ARHGAP26: variants seen among roughly 807,000 people sequenced by gnomAD.
ARHGAP26 encodes the protein Rho GTPase activating protein 26.
A neutral mutation model predicts 104.8 loss-of-function variants in ARHGAP26; 38 were observed. The observed-to-expected ratio is 0.36, with a 90% CI of 0.28 to 0.48. ARHGAP26 has a LOEUF of 0.48. Among genes scored for constraint, ARHGAP26 ranks in the 20% least tolerant of loss-of-function variants. The pLI is 0.99. For missense variants in ARHGAP26, 704 were observed against 947.9 expected, an observed-to-expected ratio of 0.74 and a Z score of 3.38; for synonymous variants, 341 against 340.0, an observed-to-expected ratio of 1.00 and a Z score of -0.03.
At chr5:143,144,730 T>C (rs1798959562) in intron 19 of ARHGAP26, among the ~76,000 whole-genome samples, 1 of 152,236 alleles carries the variant, frequency 6.6e-6, no homozygotes, top group Admixed American at 6.5e-5. Flanking sequence ...ATTTCCTAAT[T>C]GACTCCAAAT....
At chr5:142,925,262 A>T (rs898814622) in intron 10 of ARHGAP26, among the ~76,000 whole-genome samples, 4 of 152,038 alleles carry the variant, frequency 2.6e-5, no homozygotes, top group Non-Finnish European at 5.9e-5. Flanking sequence ...TTTGCTTTGC[A>T]CTTGCACTGT....
At chr5:143,149,410 G>T (rs996181031) in intron 20 of ARHGAP26, among the ~76,000 whole-genome samples, 1 of 152,140 alleles carries the variant, frequency 6.6e-6, no homozygotes, top group Non-Finnish European at 1.5e-5. Flanking sequence ...ATGGCCCTGA[G>T]TGAGAGCCAT....
At chr5:143,160,283 T>C (rs1801053469) in intron 20 of ARHGAP26, among the ~76,000 whole-genome samples, 1 of 151,914 alleles carries the variant, frequency 6.6e-6, no homozygotes, top group South Asian at 2.1e-4. Context: ...ATGGTCTCAA[T>C]CTCCTGACCT....
intron 17 of ARHGAP26, among the ~76,000 whole-genome samples, chr5:143,090,519 GAGGAAGGTGC>G (rs1791256480): frequency 1.3e-5 from 2 of 152,342 alleles, no homozygotes; most frequent in South Asian, 4.1e-4. Flanking sequence ...AGAAGGCTTA[GAGGAAGGTGC>G]AGGTGGCGGG....
intron 3 of ARHGAP26, among the ~76,000 whole-genome samples, chr5:142,878,167 A>C (rs1756397387): frequency 6.6e-6 from 1 of 152,180 alleles, no homozygotes; most frequent in Non-Finnish European, 1.5e-5. Flanking sequence ...GTGGACATGC[A>C]TGTGGTTTAG....
At chr5:142,969,247 T>C (rs1281310198) in intron 11 of ARHGAP26, 1 of 152,240 alleles carries the variant, frequency 6.6e-6, no homozygotes, top group Non-Finnish European at 1.5e-5. Flanking sequence ...GACCAAGTAG[T>C]CATTTTTTAA....
rs765449718 is a variant in ARHGAP26, at chr5:143,224,494, A to G, written c.*2048A>G. The stretch of plus-strand genomic sequence containing the variant: ...TAGTAAGATGAAGCTCAGGATTTAA[A>G]TAAGTGGGGTCAGGCATTCGAGTTT... On this transcript the variant is annotated 3_prime_UTR_variant, in exon 23 of 23. Transcript: ENST00000645722. 13 of 230,176 alleles carry G rather than the reference A, an allele frequency of 5.6e-5. No individual in the cohort carries two copies. The highest frequency in any genetic ancestry group is 8.6e-5 in the Non-Finnish European group (10 of 116,202). The allele number at this position is 230,176 out of a possible 1,614,324, so 14.3% of individuals were successfully genotyped here.
At chr5:143,190,367 C>T (rs190746057) in intron 20 of ARHGAP26, among the ~76,000 whole-genome samples, 7 of 152,152 alleles carry the variant, frequency 4.6e-5, no homozygotes, top group Admixed American at 2.0e-4. Flanking sequence ...TAGTGCTGCA[C>T]GGGGCAGGGT....
chr5:142,774,981 A>G (rs1037044463), intron 1 of ARHGAP26, among the ~76,000 whole-genome samples: 2 of 152,120 alleles, frequency 1.3e-5, no homozygotes, highest in African/African-American at 4.8e-5. Context: ...CCTTTCATCT[A>G]TTGAAGGACA....
intron 1 of ARHGAP26, among the ~76,000 whole-genome samples, chr5:142,856,743 G>A (rs1051583249): frequency 2.6e-5 from 4 of 152,166 alleles, no homozygotes; most frequent in African/African-American, 9.7e-5. Context: ...GGTATTGTAA[G>A]TAATCTAGAG....
At chr5:143,109,754 T>A (rs919535127) in intron 17 of ARHGAP26, among the ~76,000 whole-genome samples, 1 of 152,288 alleles carries the variant, frequency 6.6e-6, no homozygotes, top group African/African-American at 2.4e-5. Flanking sequence ...CTCTCTCTCT[T>A]TGAATGTTAA....
chr5:143,202,403 G>A (rs947902723), intron 20 of ARHGAP26: 1 of 151,954 alleles, frequency 6.6e-6, no homozygotes, highest in Non-Finnish European at 1.5e-5. Flanking sequence ...CACTGCTCGA[G>A]GAAATAAGAC....
rs192983036 is a variant in ARHGAP26, at chr5:143,018,272, A to T, written c.1144+4156A>T. Among the ~76,000 whole-genome samples the T allele has an allele frequency of 4.8e-3, 730 of 152,308 alleles. 9 individuals carry two copies. The highest frequency in any genetic ancestry group is 0.017 in the African/African-American group (713 of 41,560). On this transcript the variant is annotated intron_variant, in intron 12 of 22. Transcript: ENST00000645722. ...CTTGTTAGATTTAGCCAGTTTAAAT[A>T]TGTTCTCATCTTGTCATCTGTCTGT... is the stretch of plus-strand genomic sequence containing the variant.
intron 17 of ARHGAP26, among the ~76,000 whole-genome samples, chr5:143,089,269 A>C (rs1386359162): frequency 6.6e-6 from 1 of 152,210 alleles, no homozygotes; most frequent in Non-Finnish European, 1.5e-5. Flanking sequence ...TGCCATTTTT[A>C]TGAGCCTCTG....
chr5:142,894,477 A>C, intron 6 of ARHGAP26, 129 bp downstream of exon 6: 1 of 815,194 alleles, frequency 1.2e-6, no homozygotes, highest in South Asian at 1.7e-5. Flanking sequence ...CCCTTCTGTA[A>C]GTATCAGTGC....
At chr5:142,859,521 G>C (rs1369209739) in intron 1 of ARHGAP26, 2 of 152,088 alleles carry the variant, frequency 1.3e-5, no homozygotes, top group African/African-American at 4.8e-5. Flanking sequence ...GAACTCTTCT[G>C]TTCATCTTTA....
intron 20 of ARHGAP26, among the ~76,000 whole-genome samples, chr5:143,157,419 C>G (rs1800623031): frequency 6.6e-6 from 1 of 152,130 alleles, no homozygotes; most frequent in Non-Finnish European, 1.5e-5. Flanking sequence ...CTCAAGTGAT[C>G]CACCTGCCTC....
intron 11 of ARHGAP26, among the ~76,000 whole-genome samples, chr5:142,975,759 A>G (rs1772982704): frequency 6.6e-6 from 1 of 152,234 alleles, no homozygotes; most frequent in African/African-American, 2.4e-5. Flanking sequence ...AAAGGATTTT[A>G]TAGGATAAAA....
intron 17 of ARHGAP26, among the ~76,000 whole-genome samples, chr5:143,059,102 T>C (rs1786306653): frequency 6.6e-6 from 1 of 152,366 alleles, no homozygotes; most frequent in South Asian, 2.1e-4. Context: ...GTCAGGCGTT[T>C]GTTAAGCAGA....
Sources: gnomAD v4.1 joint callset for allele counts (sites outside exome capture counted in the v4.1 genomes callset) on GRCh38, gnomAD v4.1.1 for gene constraint, MANE v1.5 for transcripts, NCBI Gene and HGNC (gene_info 2026-07-23, HGNC 2026-07-21) for gene names.